The following TENM2 variants were observed in gnomAD, a reference collection of about 807,000 sequenced individuals.
TENM2 encodes teneurin transmembrane protein 2.
In TENM2, 52 loss-of-function variants were observed where a neutral mutation model predicts 245.2. The observed-to-expected ratio is 0.21, with a 90% CI of 0.17 to 0.27. The LOEUF (loss-of-function observed/expected upper bound fraction) is 0.27. TENM2 is among the 10% of genes least tolerant of loss of function. The probability of loss-of-function intolerance (pLI) is 1.00; values close to 1 mark genes in which losing one functional copy is unlikely to be tolerated. For synonymous variants in TENM2, 1,363 were observed against 1,438.9 expected (o/e 0.95, Z 1.19); for missense variants, 3,046 against 3,666.8 (o/e 0.83, Z 4.37).
the TENM2 span, among the ~76,000 whole-genome samples, chr5:167,080,443 C>T: frequency 2.4e-3 from 365 of 152,248 alleles, 1 homozygote; most frequent in African/African-American, 8.3e-3. Context: ...TAGAAAGATA[C>T]ATTTCAAAGA....
At chr5:167,238,003 C>CT in the TENM2 span, among the ~76,000 whole-genome samples, 1 of 109,404 alleles carries the variant, frequency 9.1e-6, no homozygotes, top group African/African-American at 3.9e-5. Flanking sequence ...GAGTGAGACT[C>CT]TGTCTCAAAA....
rs964291706 is a variant in TENM2 at position 167,611,995 on chromosome 5, T to C, written c.502+236522T>C. ...TTCCAAATACTCTGAAGTGATTTCA[T>C]ATATATTTGACTCCTTTGATCCGTA... On this transcript the variant is annotated intron_variant, in intron 2 of 28. Transcript: ENST00000518659. Among the ~76,000 whole-genome samples the C allele has an allele frequency of 4.6e-5, 7 of 152,174 alleles. 1 individual carries two copies. The highest frequency in any genetic ancestry group is 2.0e-4 in the Admixed American group (3 of 15,272).
intron 2 of TENM2, among the ~76,000 whole-genome samples, chr5:167,826,496 T>C (rs1482098552): frequency 6.6e-6 from 1 of 152,238 alleles, no homozygotes; most frequent in Non-Finnish European, 1.5e-5. Flanking sequence ...TCCCCAAAGA[T>C]GTTAATAGCA....
At chr5:167,469,891 A>G (rs899755656) in intron 2 of TENM2, among the ~76,000 whole-genome samples, 1 of 152,120 alleles carries the variant, frequency 6.6e-6, no homozygotes, top group African/African-American at 2.4e-5. Context: ...AAAAATTGCA[A>G]ATGTGTTTTG....
intron 3 of TENM2, among the ~76,000 whole-genome samples, chr5:167,928,410 T>G (rs1020237353): frequency 6.6e-6 from 1 of 152,216 alleles, no homozygotes; most frequent in Non-Finnish European, 1.5e-5. Flanking sequence ...AGGATATTAC[T>G]AACGTATCCC....
chr5:167,930,441 C>A (rs1358697879), intron 3 of TENM2, among the ~76,000 whole-genome samples: 1 of 149,162 alleles, frequency 6.7e-6, no homozygotes, highest in Admixed American at 6.7e-5. Context: ...ATTAGCTGAG[C>A]TTTTCTTAGA....
At chr5:167,734,561 G>T (rs1006255727) in intron 2 of TENM2, among the ~76,000 whole-genome samples, 8 of 150,998 alleles carry the variant, frequency 5.3e-5, no homozygotes, top group South Asian at 2.1e-4. Flanking sequence ...AGCAAAGGCT[G>T]CTTCGTTTTA....
chr5:167,576,367 T>C (rs1774687353), intron 2 of TENM2, among the ~76,000 whole-genome samples: 1 of 151,258 alleles, frequency 6.6e-6, no homozygotes, highest in African/African-American at 2.4e-5. Context: ...AGAAATGCAG[T>C]AGACTTATAA....
chr5:167,934,888 G>T (rs1265358508), intron 3 of TENM2: 2 of 985,450 alleles, frequency 2.0e-6, no homozygotes, highest in Non-Finnish European at 1.2e-6. Context: ...GGCAGGACGG[G>T]TGTGCAGGCT....
At chr5:167,074,457 G>T in the TENM2 span, among the ~76,000 whole-genome samples, 8 of 152,254 alleles carry the variant, frequency 5.3e-5, no homozygotes, top group South Asian at 1.0e-3. Context: ...GATCAGCCTG[G>T]TTGAAACAGT....
chr5:167,035,323 G>GA, the TENM2 span, among the ~76,000 whole-genome samples: 1 of 152,226 alleles, frequency 6.6e-6, no homozygotes, highest in Admixed American at 6.5e-5. Context: ...TATTAGATGA[G>GA]TGATCCTCGA....
At chr5:167,995,360 C>T (rs1783976546) in intron 5 of TENM2, among the ~76,000 whole-genome samples, 1 of 152,184 alleles carries the variant, frequency 6.6e-6, no homozygotes, top group South Asian at 2.1e-4. Context: ...GAAGCTGGAC[C>T]TGAGCATCTT....
At chr5:167,222,800 T>C in the TENM2 span, among the ~76,000 whole-genome samples, 1 of 152,216 alleles carries the variant, frequency 6.6e-6, no homozygotes, top group Non-Finnish European at 1.5e-5. Context: ...TTGTTTATTG[T>C]ATTCTAAAAA....
At chr5:167,141,354 T>C in the TENM2 span, among the ~76,000 whole-genome samples, 1 of 152,234 alleles carries the variant, frequency 6.6e-6, no homozygotes, top group African/African-American at 2.4e-5. Flanking sequence ...AGGGCTTTAA[T>C]ATTTTTTTCA....
intron 12 of TENM2, among the ~76,000 whole-genome samples, chr5:168,156,259 A>AAAAAAAAAC: frequency 6.6e-6 from 1 of 150,742 alleles, no homozygotes; most frequent in Non-Finnish European, 1.5e-5. Context: ...AAAAAAAAAA[A>AAAAAAAAAC]AAAAAAACAC....
the TENM2 span, among the ~76,000 whole-genome samples, chr5:167,250,963 C>T: frequency 1.3e-5 from 2 of 151,802 alleles, no homozygotes; most frequent in African/African-American, 4.8e-5. Context: ...GGTGAAATGG[C>T]GATATATTCA....
rs532854793 is a variant in TENM2, at chr5:167,375,013, T to C, written c.227-185T>C. Among the ~76,000 whole-genome samples, 9 of 152,268 alleles carry C rather than the reference T, an allele frequency of 5.9e-5. No homozygotes were observed. The East Asian group carries it at 1.7e-3, about 30-fold the overall frequency. The stretch of plus-strand genomic sequence containing the variant: ...ATCATCGATATTTACTTTCTTTCTT[T>C]TGTTTGTTTTTCAAAGGTATCCCAC... On this transcript the variant is annotated intron_variant, in intron 1 of 28. Transcript: ENST00000518659.
chr5:167,400,919 GT>G (rs1251600379), intron 2 of TENM2, among the ~76,000 whole-genome samples: 2 of 152,010 alleles, frequency 1.3e-5, no homozygotes, highest in Non-Finnish European at 2.9e-5. Context: ...GTCCTTGTAG[GT>G]GCTTGATTAA....
At chr5:167,239,664 G>T in the TENM2 span, among the ~76,000 whole-genome samples, 1 of 152,172 alleles carries the variant, frequency 6.6e-6, no homozygotes, top group Non-Finnish European at 1.5e-5. Flanking sequence ...CTCAGTACTA[G>T]AACAGTGCCT....
Sources: gnomAD v4.1 joint callset for allele counts (sites outside exome capture counted in the v4.1 genomes callset) on GRCh38, gnomAD v4.1.1 for gene constraint, MANE v1.5 for transcripts, NCBI Gene and HGNC (gene_info 2026-07-23, HGNC 2026-07-21) for gene names.